The following UGGT2 variants were observed in gnomAD, a reference collection of about 807,000 sequenced individuals.
UGGT2 encodes the protein UDP-glucose glycoprotein glucosyltransferase 2.
A neutral mutation model predicts 192.1 loss-of-function variants in UGGT2; 180 were observed. That is an observed-to-expected ratio of 0.94 (90% CI 0.83 to 1.06). UGGT2 has a LOEUF of 1.06. Among genes scored for constraint, UGGT2 ranks in the 50% least tolerant of loss-of-function variants. The probability of loss-of-function intolerance (pLI) is 0.00; values close to 1 mark genes in which losing one functional copy is unlikely to be tolerated. For synonymous variants in UGGT2, 580 were observed against 591.0 expected (o/e 0.98, Z 0.27); for missense variants, 1,849 against 1,795.7 (o/e 1.03, Z -0.54).
intron 38 of UGGT2, among the ~76,000 whole-genome samples, chr13:95,814,541 A>G (rs894675461): frequency 2.6e-5 from 4 of 152,162 alleles, no homozygotes; most frequent in African/African-American, 9.7e-5. Context: ...TCTTGGAAAT[A>G]ACTAACTTGT....
intron 13 of UGGT2, among the ~76,000 whole-genome samples, 153 bp from the exon 14 acceptor site, chr13:95,948,234 CACACACACACACACACACAT>C (rs1392286666): frequency 6.6e-6 from 1 of 151,676 alleles, no homozygotes; most frequent in African/African-American, 2.4e-5. Context: ...CACACACACA[CACACACACACACACACACAT>C]ATAAAGGATT....
rs1890224627 is a variant in UGGT2 at position 95,862,139 on chromosome 13, TTCTC to T, written c.3645-1260_3645-1257del. ...CATCTCAATGAGTGGACTTGATCCT[TTCTC>T]TATCAGTAACTTGTTCAAAGCACAC... On this transcript the variant is annotated intron_variant, in intron 31 of 38. Transcript: ENST00000376747. Among the ~76,000 whole-genome samples the T allele has an allele frequency of 2.0e-5, 3 of 152,272 alleles. No homozygotes were observed. The South Asian group carries it at 6.2e-4, about 32-fold the overall frequency.
At chr13:96,015,412 T>A (rs2052303897) in intron 4 of UGGT2, among the ~76,000 whole-genome samples, 1 of 152,150 alleles carries the variant, frequency 6.6e-6, no homozygotes, top group Admixed American at 6.5e-5. Context: ...AAGGGCTCTC[T>A]ACCATTTGCT....
At chr13:95,989,163 T>C (rs779881060) in intron 8 of UGGT2, among the ~76,000 whole-genome samples, 13 of 152,152 alleles carry the variant, frequency 8.5e-5, no homozygotes, top group East Asian at 1.9e-4. Context: ...CTAAAAACTA[T>C]TGAATGGTAG....
At position 95,968,392 on chromosome 13, in the gene UGGT2, T is replaced by C. The variant is rs373885363; in HGVS notation, c.1335+1720A>G. Among the ~76,000 whole-genome samples, 97 of 152,320 alleles carry C rather than the reference T, an allele frequency of 6.4e-4. 3 individuals are homozygous for C. In the South Asian group the frequency reaches 0.018, roughly 29 times the overall value. ...TAATAGTTCTGACATATAATGTATG[T>C]ATATGTGCTGATATAATTTGGATAC... is the stretch of plus-strand genomic sequence containing the variant. On this transcript the variant is annotated intron_variant, in intron 12 of 38. Transcript: ENST00000376747.
At chr13:95,905,629 G>C (rs1446865285) in intron 20 of UGGT2, among the ~76,000 whole-genome samples, 1 of 152,034 alleles carries the variant, frequency 6.6e-6, no homozygotes, top group African/African-American at 2.4e-5. Context: ...TTATTTCTGA[G>C]GGTTCTGTTC....
At chr13:95,852,806 A>G (rs1031409790) in intron 36 of UGGT2, among the ~76,000 whole-genome samples, 15 of 152,324 alleles carry the variant, frequency 9.8e-5, no homozygotes, top group South Asian at 4.2e-4. Context: ...TATTAAGGCA[A>G]TATCAGGGTG....
At chr13:95,930,486 C>T (rs2049214150) in intron 17 of UGGT2, among the ~76,000 whole-genome samples, 1 of 152,158 alleles carries the variant, frequency 6.6e-6, no homozygotes, top group African/African-American at 2.4e-5. Context: ...TATGGCTAGC[C>T]AACTATCCTA....
At chr13:95,995,720 CTATGGTTCTACTGTGCAAAACAA>C (rs1203338966) in intron 7 of UGGT2, among the ~76,000 whole-genome samples, 16 of 152,154 alleles carry the variant, frequency 1.1e-4, no homozygotes, top group Non-Finnish European at 2.1e-4. Flanking sequence ...CAGCTACACA[CTATGGTTCTACTGTGCAAAACAA>C]TATGTTGTGT....
intron 1 of UGGT2, among the ~76,000 whole-genome samples, chr13:96,032,319 G>C (rs1262287203): frequency 6.6e-6 from 1 of 151,536 alleles, no homozygotes; most frequent in Non-Finnish European, 1.5e-5. Flanking sequence ...AATTAAGATA[G>C]AACATTATAT....
intron 22 of UGGT2, among the ~76,000 whole-genome samples, chr13:95,900,474 C>T (rs2140280902): frequency 6.6e-6 from 1 of 152,246 alleles, no homozygotes; most frequent in East Asian, 1.9e-4. Flanking sequence ...CTTGCTACAC[C>T]TACTACAACA....
chr13:95,945,010 C>G (rs906662049), intron 15 of UGGT2, among the ~76,000 whole-genome samples: 7 of 151,594 alleles, frequency 4.6e-5, no homozygotes, highest in Non-Finnish European at 7.4e-5. Flanking sequence ...AGTTTATTTC[C>G]CCTAATATTT....
chr13:95,944,336 T>C (rs1439524466), intron 15 of UGGT2, among the ~76,000 whole-genome samples: 1 of 152,066 alleles, frequency 6.6e-6, no homozygotes, highest in Admixed American at 6.5e-5. Context: ...TCTTCAAACA[T>C]TTGAATATTT....
intron 30 of UGGT2, among the ~76,000 whole-genome samples, chr13:95,866,548 C>A (rs1890674939): frequency 6.6e-6 from 1 of 152,158 alleles, no homozygotes; most frequent in Non-Finnish European, 1.5e-5. Flanking sequence ...GATTCCCTGG[C>A]CTACTTGGCT....
At chr13:95,848,084 T>A (rs1888656615) in intron 36 of UGGT2, among the ~76,000 whole-genome samples, 1 of 152,258 alleles carries the variant, frequency 6.6e-6, no homozygotes, top group African/African-American at 2.4e-5. Flanking sequence ...CATATGCTTA[T>A]ATGTCATCTG....
At chr13:95,990,250 G>GAT (rs772401659) in intron 7 of UGGT2, 177 bp from the exon 8 acceptor site, 6 of 378,848 alleles carry the variant, frequency 1.6e-5, no homozygotes, top group Non-Finnish European at 2.8e-5. Flanking sequence ...TAATGAGGAA[G>GAT]ATATACAGGT....
intron 9 of UGGT2, chr13:95,985,215 A>C (rs2051251846): frequency 9.2e-7 from 1 of 1,089,902 alleles, no homozygotes; most frequent in Admixed American, 3.1e-5. Context: ...ATTATGGCTA[A>C]ACAGATATGA....
In UGGT2 at chr13:95,860,796, A is replaced by G; in HGVS notation, c.3732T>C (p.Arg1244=). 1 of 1,523,032 alleles carries G rather than the reference A, an allele frequency of 6.6e-7. No individual in the cohort carries two copies. The highest frequency in any genetic ancestry group is 8.8e-7 in the Non-Finnish European group (1 of 1,136,162). 94.3% of individuals were successfully genotyped at this position (1,523,032 alleles called of 1,614,324 possible). A position where few individuals can be genotyped will look rare whatever the true frequency, so the allele number is the denominator to read the frequency against. ...TTAAAAAATATACCTACCTTAAAAA[A>G]CGTTCATATAAATGACCAGAAGCAA... The part of the protein sequence containing the change: ...FSVASGHLYE[R]FLRIMMLSVL... Residue 1244 remains arginine, a synonymous_variant, in exon 32 of 39, where the codon CGT becomes CGC. Coordinates refer to ENST00000376747, the MANE Select transcript of UGGT2 (RefSeq NM_020121.4).
At chr13:96,020,083 C>A (rs1004333683) in intron 4 of UGGT2, among the ~76,000 whole-genome samples, 3 of 152,134 alleles carry the variant, frequency 2.0e-5, no homozygotes, top group African/African-American at 7.2e-5. Context: ...TGATACCATG[C>A]TAGGGCCCAG....
Sources: gnomAD v4.1 joint callset for allele counts (sites outside exome capture counted in the v4.1 genomes callset) on GRCh38, gnomAD v4.1.1 for gene constraint, MANE v1.5 for transcripts, NCBI Gene and HGNC (gene_info 2026-07-23, HGNC 2026-07-21) for gene names.